Variants in ARPC4 observed in about 807,000 individuals in gnomAD.
ARPC4 encodes the protein actin related protein 2/3 complex subunit 4, also known as actin-related protein 2/3 complex subunit 4.
In ARPC4, 3 loss-of-function variants were observed where a neutral mutation model predicts 22.8. The observed-to-expected ratio is 0.13, with a 90% CI of 0.06 to 0.34. The LOEUF (loss-of-function observed/expected upper bound fraction) is 0.34. Among genes scored for constraint, ARPC4 ranks in the 10% least tolerant of loss-of-function variants. ARPC4 has a pLI of 1.00. For missense variants in ARPC4, 98 were observed against 211.0 expected (o/e 0.46, Z 3.32); for synonymous variants, 80 against 72.5 (o/e 1.10, Z -0.52).
chr3:9,799,852 CATTTGACCCT>C (rs1559727912), intron 2 of ARPC4: 1 of 489,290 alleles, frequency 2.0e-6, no homozygotes. Context: ...CGCTATTAGA[CATTTGACCCT>C]TTTTGATCTC....
At chr3:9,800,798 T>G (rs2078991708) in intron 3 of ARPC4, among the ~76,000 whole-genome samples, 1 of 152,190 alleles carries the variant, frequency 6.6e-6, no homozygotes, top group East Asian at 1.9e-4. Flanking sequence ...ACACACTGTT[T>G]TCTACAGAAA....
In ARPC4 at chr3:9,794,413, G is replaced by A. The variant is rs563856665; in HGVS notation, c.3+1289G>A. The stretch of plus-strand genomic sequence containing the variant: ...ACTCAGGAGGCTGAGGCAGGAGAAT[G>A]GCGTGAACCCAGAAAGCAGAGCTTG... On this transcript the variant is annotated intron_variant, in intron 1 of 5. Coordinates refer to ENST00000397261, the MANE Select transcript of ARPC4 (RefSeq NM_005718.5). Among the ~76,000 whole-genome samples the A allele has an allele frequency of 1.6e-3, 247 of 152,258 alleles. 3 individuals carry two copies. Among genetic ancestry groups the A allele is most frequent in the Admixed American group, 0.011 (161 of 15,304 alleles).
At chr3:9,794,799 A>C (rs1214146613) in intron 1 of ARPC4, among the ~76,000 whole-genome samples, 1 of 152,108 alleles carries the variant, frequency 6.6e-6, no homozygotes, top group Non-Finnish European at 1.5e-5. Context: ...CCCACCCCAG[A>C]CAACTACTGA....
intron 2 of ARPC4, among the ~76,000 whole-genome samples, chr3:9,799,253 G>C (rs1248748113): frequency 6.6e-6 from 1 of 152,156 alleles, no homozygotes; most frequent in Admixed American, 6.5e-5. Context: ...TGTTCTCTCT[G>C]TATTCCTAAA....
In ARPC4 at chr3:9,806,753, AG is replaced by A. The variant is rs1559731429; in HGVS notation, c.*539del. 1 of 156,804 alleles carries A rather than the reference AG, an allele frequency of 6.4e-6. No homozygotes were observed. Among genetic ancestry groups the A allele is most frequent in the African/African-American group, 2.4e-5 (1 of 41,458 alleles). The allele number at this position is 156,804 out of a possible 1,614,324, so 9.7% of individuals were successfully genotyped here. A position where few individuals can be genotyped will look rare whatever the true frequency, so the allele number is the denominator to read the frequency against. On this transcript the variant is annotated 3_prime_UTR_variant, in exon 6 of 6. Coordinates refer to ENST00000397261, the MANE Select transcript of ARPC4 (RefSeq NM_005718.5). ...GTATAAGTGTTGGGAACTCTCTGCC[AG>A]CTTCCTGAGTTCTGCCTAAAGATGG...
chr3:9,797,493 A>G (rs893033924), intron 1 of ARPC4, among the ~76,000 whole-genome samples, 166 bp from the exon 2 acceptor site: 2 of 152,106 alleles, frequency 1.3e-5, no homozygotes, highest in Admixed American at 6.6e-5. Flanking sequence ...CTACCACTCT[A>G]CACCTTGGAA....
chr3:9,800,086 G>A, intron 2 of ARPC4, 99 bp from the exon 3 acceptor site: 1 of 1,184,920 alleles, frequency 8.4e-7, no homozygotes, highest in Non-Finnish European at 1.2e-6. Context: ...TCTATTCCTT[G>A]GACTCTATGG....
In ARPC4 at chr3:9,793,090, A is replaced by C. The variant is rs745637245; in HGVS notation, c.-32A>C. ...GCATCGCGGGGCTGGCCACTTCCGT[A>C]CTTCCGCTTTCCGGCCCAGCCAGCG... is the stretch of plus-strand genomic sequence containing the variant. On this transcript the variant is annotated 5_prime_UTR_variant, in exon 1 of 6. Coordinates refer to ENST00000397261, the MANE Select transcript of ARPC4 (RefSeq NM_005718.5). 1.3e-6 allele frequency: 2 copies of C among 1,545,536 alleles called. No individual in the cohort carries two copies. Among genetic ancestry groups the C allele is most frequent in the Non-Finnish European group, 1.7e-6 (2 of 1,145,368 alleles).
chr3:9,793,254 AG>A, intron 1 of ARPC4, 130 bp downstream of exon 1: 2 of 1,264,274 alleles, frequency 1.6e-6, no homozygotes, highest in East Asian at 3.0e-5. Flanking sequence ...GGACACGATG[AG>A]GGTGGGAAAA....
At chr3:9,793,225 G>T in intron 1 of ARPC4, 101 bp downstream of exon 1, 1 of 1,472,386 alleles carries the variant, frequency 6.8e-7, no homozygotes, top group South Asian at 1.3e-5. Flanking sequence ...CGGGGCCGAG[G>T]GATGTCCGGG....
chr3:9,805,597 G>GT (rs1259107830), intron 5 of ARPC4, among the ~76,000 whole-genome samples: 1 of 152,224 alleles, frequency 6.6e-6, no homozygotes, highest in African/African-American at 2.4e-5. Flanking sequence ...CATCTTCCAT[G>GT]TTTTCAAGGT....
chr3:9,796,819 T>C (rs2078902390), intron 1 of ARPC4, among the ~76,000 whole-genome samples: 1 of 151,548 alleles, frequency 6.6e-6, no homozygotes, highest in African/African-American at 2.4e-5. Context: ...TGGGCGCCTG[T>C]AGTCCCAGCT....
chr3:9,794,682 TAAAAAAAA>T (rs572733613), intron 1 of ARPC4, among the ~76,000 whole-genome samples: 2 of 147,358 alleles, frequency 1.4e-5, no homozygotes, highest in Non-Finnish European at 3.0e-5. Context: ...TCCCGTGTCT[TAAAAAAAA>T]AAAGTCAAGT....
chr3:9,799,313 T>C (rs2078960769), intron 2 of ARPC4, among the ~76,000 whole-genome samples: 1 of 152,198 alleles, frequency 6.6e-6, no homozygotes. Context: ...TCCAAAATGC[T>C]TGGGACCAAA....
Position 9,803,839 on chromosome 3 carries a change from C to A in ARPC4, c.331-4C>A. On this transcript the variant is annotated splice_polypyrimidine_tract_variant and splice_region_variant and intron_variant, in intron 4 of 5. Transcript: ENST00000397261. ...TTCCCCCTCCCTACTGTCTTCTTCC[C>A]TAGGGGTATGATATCAGCTTTCTGA... 1 of 1,613,378 alleles carries A rather than the reference C, an allele frequency of 6.2e-7. No homozygotes were observed.
chr3:9,804,342 T>G (rs916673255), intron 5 of ARPC4: 15 of 214,780 alleles, frequency 7.0e-5, no homozygotes. Context: ...GTAAGTGAAG[T>G]CTGCATGTGA....
At chr3:9,794,490 C>T (rs915654273) in intron 1 of ARPC4, among the ~76,000 whole-genome samples, 1 of 151,996 alleles carries the variant, frequency 6.6e-6, no homozygotes, top group African/African-American at 2.4e-5. Flanking sequence ...CAGAGTAAGA[C>T]TCCGTCTCAA....
Sources: allele counts gnomAD v4.1 joint callset (sites outside exome capture counted in the v4.1 genomes callset), GRCh38; gene constraint gnomAD v4.1.1; transcripts MANE v1.5; gene names NCBI Gene and HGNC (gene_info 2026-07-23, HGNC 2026-07-21).